Variants in CLMP observed in about 807,000 individuals in gnomAD.
CLMP encodes the protein CXADR-like membrane protein.
In CLMP, 27 loss-of-function variants were observed where a neutral mutation model predicts 45.2. The ratio of observed to expected loss-of-function variants is 0.60; its 90% CI spans 0.44 to 0.82. The LOEUF (loss-of-function observed/expected upper bound fraction) is 0.82, where lower values mean the gene tolerates loss of function less well. Ranked by LOEUF, CLMP falls within the 40% of genes least tolerant of loss-of-function variation. CLMP has a pLI of 0.00. For missense variants in CLMP, 403 were observed against 448.4 expected (o/e 0.90, Z 0.91); for synonymous variants, 167 against 171.4 (o/e 0.97, Z 0.20).
intron 1 of CLMP, 67 bp downstream of exon 1, chr11:123,194,846 C>T: frequency 6.3e-7 from 1 of 1,599,460 alleles, no homozygotes; most frequent in Non-Finnish European, 8.6e-7. Context: ...GAACCGGCGT[C>T]TTTCCCGGAC....
At chr11:123,107,062 ATTT>A (rs556205898) in intron 1 of CLMP, among the ~76,000 whole-genome samples, 1 of 142,920 alleles carries the variant, frequency 7.0e-6, no homozygotes. Context: ...TACTTGCTGC[ATTT>A]TTTTTTTTTG....
chr11:123,191,383 G>A (rs930442988), intron 1 of CLMP: 2 of 152,188 alleles, frequency 1.3e-5, no homozygotes, highest in African/African-American at 4.8e-5. Flanking sequence ...GTAGGACATG[G>A]AATCCTACTG....
chr11:123,183,029 T>G (rs972494442), intron 1 of CLMP, among the ~76,000 whole-genome samples: 1 of 152,224 alleles, frequency 6.6e-6, no homozygotes, highest in Admixed American at 6.5e-5. Context: ...GTCAGATGAT[T>G]CAGGTATGAA....
At chr11:123,085,912 G>T (rs534426345) in intron 2 of CLMP, among the ~76,000 whole-genome samples, 2 of 151,948 alleles carry the variant, frequency 1.3e-5, no homozygotes, top group South Asian at 4.2e-4. Context: ...GAGTAGCTGG[G>T]ATTACAGATG....
intron 1 of CLMP, among the ~76,000 whole-genome samples, chr11:123,173,514 C>A (rs1379261962): frequency 6.6e-6 from 1 of 152,136 alleles, no homozygotes; most frequent in Non-Finnish European, 1.5e-5. Context: ...TGGCTCATTA[C>A]AAAATATTTT....
At chr11:123,171,430 T>C (rs1468781204) in intron 1 of CLMP, among the ~76,000 whole-genome samples, 1 of 146,236 alleles carries the variant, frequency 6.8e-6, no homozygotes, top group African/African-American at 2.5e-5. Context: ...ATTTTTTTTT[T>C]TCTTTTCTTT....
At chr11:123,150,495 GGA>G (rs1565397507) in intron 1 of CLMP, among the ~76,000 whole-genome samples, 2 of 117,016 alleles carry the variant, frequency 1.7e-5, no homozygotes, top group Non-Finnish European at 1.8e-5. Context: ...AAGGAAGGAA[GGA>G]AGGAAGGAAG....
In CLMP at chr11:123,073,785, A is replaced by G. The variant is rs1591446583; in HGVS notation, c.822-11T>C. 1 of 1,556,356 alleles carries G rather than the reference A, an allele frequency of 6.4e-7. No homozygotes were observed. Among genetic ancestry groups the G allele is most frequent in the Non-Finnish European group, 8.7e-7 (1 of 1,154,118 alleles). Reference sequence around the variant, plus strand: ...GCTTCAGCATCTTCTCTGAAGAGAAAAAACAGCAAAGATTAACACTGGCAG... The same window carrying G: ...GCTTCAGCATCTTCTCTGAAGAGAAGAAACAGCAAAGATTAACACTGGCAG... On this transcript the variant is annotated splice_polypyrimidine_tract_variant and intron_variant, in intron 6 of 6. Transcript: ENST00000448775.
Position 123,070,128 on chromosome 11 carries a change from A to G in CLMP, c.*3346T>C, listed in dbSNP as rs966033380. Reference sequence around the variant, plus strand: ...TATTTCACAAATTTAAGTTTGGTTTATATATTTTATTGACATGGTTACTCA... The same window carrying G: ...TATTTCACAAATTTAAGTTTGGTTTGTATATTTTATTGACATGGTTACTCA... On this transcript the variant is annotated 3_prime_UTR_variant, in exon 7 of 7. Coordinates refer to ENST00000448775, the MANE Select transcript of CLMP (RefSeq NM_024769.5). 6.6e-6 allele frequency: 1 copy of G among 152,224 alleles called. No individual in the cohort carries two copies. Among genetic ancestry groups the G allele is most frequent in the Non-Finnish European group, 1.5e-5 (1 of 68,030 alleles). The allele number at this position is 152,224 out of a possible 1,614,324, so 9.4% of individuals were successfully genotyped here.
chr11:123,100,722 T>C (rs1313200956), intron 1 of CLMP, among the ~76,000 whole-genome samples: 1 of 152,160 alleles, frequency 6.6e-6, no homozygotes, highest in Non-Finnish European at 1.5e-5. Context: ...TAAATGAAGC[T>C]CTTGGAAACA....
intron 1 of CLMP, among the ~76,000 whole-genome samples, chr11:123,111,633 T>C (rs1303187672): frequency 1.3e-5 from 2 of 152,208 alleles, no homozygotes; most frequent in Admixed American, 6.6e-5. Context: ...AGGTAGTTAT[T>C]CTTAGTAACA....
intron 1 of CLMP, among the ~76,000 whole-genome samples, chr11:123,191,709 G>A (rs1022761178): frequency 1.3e-5 from 2 of 152,182 alleles, no homozygotes; most frequent in African/African-American, 2.4e-5. Context: ...GCAGTCAAAG[G>A]TTAGTGATCT....
chr11:123,186,524 T>A (rs975864673), intron 1 of CLMP, among the ~76,000 whole-genome samples: 58 of 151,306 alleles, frequency 3.8e-4, no homozygotes, highest in African/African-American at 1.4e-3. Context: ...TTGTGAGCTT[T>A]TTTTTTTTTT....
chr11:123,156,473 C>T (rs542634144), intron 1 of CLMP, among the ~76,000 whole-genome samples: 1 of 152,278 alleles, frequency 6.6e-6, no homozygotes, highest in Admixed American at 6.5e-5. Context: ...CTTCTGAATT[C>T]CCGATTCATA....
intron 1 of CLMP, among the ~76,000 whole-genome samples, chr11:123,177,365 C>A (rs536345106): frequency 3.3e-5 from 5 of 152,270 alleles, no homozygotes; most frequent in South Asian, 2.1e-4. Flanking sequence ...GTCTCCTGAG[C>A]ATCTTCTTGG....
chr11:123,185,555 C>G (rs1267662104), intron 1 of CLMP, among the ~76,000 whole-genome samples: 1 of 152,164 alleles, frequency 6.6e-6, no homozygotes, highest in Non-Finnish European at 1.5e-5. Flanking sequence ...TCGTTTCCGG[C>G]CTCCCCTCCC....
rs1429029288 is a variant in CLMP at position 123,119,066 on chromosome 11, T to C, written c.29-21114A>G. Among the ~76,000 whole-genome samples the C allele has an allele frequency of 1.0e-4, 11 of 107,074 alleles. 1 individual carries two copies. The highest frequency in any genetic ancestry group is 1.6e-4 in the African/African-American group (4 of 24,692). 70.2% of individuals were successfully genotyped at this position (107,074 alleles called of 152,430 possible). On this transcript the variant is annotated intron_variant, in intron 1 of 6. Coordinates refer to ENST00000448775, the MANE Select transcript of CLMP (RefSeq NM_024769.5). ...CTCTCCCTCTCCCTCTCTCTCTCTC[T>C]CTCTCTCTCTCTCTCTCTCTCTCTT...
intron 6 of CLMP, among the ~76,000 whole-genome samples, chr11:123,074,448 C>T (rs1429639407): frequency 6.6e-6 from 1 of 152,126 alleles, no homozygotes; most frequent in Non-Finnish European, 1.5e-5. Flanking sequence ...TCCCAAAGTG[C>T]TGGGATTACA....
chr11:123,137,223 G>A (rs1861088648), intron 1 of CLMP, among the ~76,000 whole-genome samples: 1 of 134,708 alleles, frequency 7.4e-6, no homozygotes, highest in African/African-American at 2.8e-5. Flanking sequence ...GCGCGATCTC[G>A]GCTCACTGCA....
Sources: allele counts gnomAD v4.1 joint callset (sites outside exome capture counted in the v4.1 genomes callset), GRCh38; gene constraint gnomAD v4.1.1; transcripts MANE v1.5; gene names NCBI Gene and HGNC (gene_info 2026-07-23, HGNC 2026-07-21).